Variants in ANKS1A observed in about 807,000 individuals in gnomAD.
ANKS1A encodes ankyrin repeat and sterile alpha motif domain containing 1A.
Under a neutral mutation model 120.3 loss-of-function variants are expected in ANKS1A, and 55 were observed. The observed-to-expected ratio is 0.46, with a 90% CI of 0.37 to 0.57. The LOEUF (loss-of-function observed/expected upper bound fraction) is 0.57, where lower values mean the gene tolerates loss of function less well. Among genes scored for constraint, ANKS1A ranks in the 20% least tolerant of loss-of-function variants. ANKS1A has a pLI of 0.00. For missense variants in ANKS1A, 1,123 were observed against 1,480.3 expected (o/e 0.76, Z 3.96); for synonymous variants, 590 against 604.7 (o/e 0.98, Z 0.36).
chr6:35,014,114 C>T (rs1471387933), intron 10 of ANKS1A, among the ~76,000 whole-genome samples: 4 of 152,106 alleles, frequency 2.6e-5, no homozygotes, highest in African/African-American at 4.8e-5. Context: ...CCTAAGAGAC[C>T]TTATATTATC....
intron 6 of ANKS1A, 22 bp from the exon 7 acceptor site, chr6:34,983,302 A>G: frequency 1.9e-6 from 3 of 1,612,984 alleles, no homozygotes; most frequent in South Asian, 2.2e-5. Context: ...TTTTATTTTT[A>G]TTTTTTGATC....
At chr6:35,015,113 G>C (rs1360832567) in intron 10 of ANKS1A, among the ~76,000 whole-genome samples, 1 of 152,156 alleles carries the variant, frequency 6.6e-6, no homozygotes, top group East Asian at 1.9e-4. Context: ...AGTTTTTCAG[G>C]GTTTGTTCAT....
chr6:35,012,697 G>T (rs533113419), intron 10 of ANKS1A, among the ~76,000 whole-genome samples: 2 of 152,226 alleles, frequency 1.3e-5, no homozygotes, highest in Non-Finnish European at 2.9e-5. Flanking sequence ...TTAAAATGCA[G>T]CACAGAAGAC....
At chr6:34,999,836 A>C (rs1773063301) in intron 10 of ANKS1A, among the ~76,000 whole-genome samples, 1 of 152,102 alleles carries the variant, frequency 6.6e-6, no homozygotes, top group Non-Finnish European at 1.5e-5. Context: ...AGCAGAGAGA[A>C]AGAGAGGAAA....
At chr6:34,983,092 C>G (rs1771984696) in intron 5 of ANKS1A, 21 bp from the exon 6 acceptor site, 3 of 1,607,622 alleles carry the variant, frequency 1.9e-6, no homozygotes, top group Admixed American at 1.7e-5. Flanking sequence ...CTCCCCTGGT[C>G]CACCTGGTGT....
At chr6:35,097,643 A>G in the ANKS1A span, among the ~76,000 whole-genome samples, 1 of 146,130 alleles carries the variant, frequency 6.8e-6, no homozygotes, top group African/African-American at 2.6e-5. Context: ...AAAAGAAAAA[A>G]AAAAAAAAAA....
chr6:35,081,924 G>C (rs1038662222), intron 17 of ANKS1A, among the ~76,000 whole-genome samples: 16 of 152,168 alleles, frequency 1.1e-4, no homozygotes, highest in Non-Finnish European at 1.9e-4. Context: ...GTGAACTTCA[G>C]CTTCACCCCT....
chr6:35,012,552 G>A (rs1222836138), intron 10 of ANKS1A, among the ~76,000 whole-genome samples: 1 of 152,202 alleles, frequency 6.6e-6, no homozygotes, highest in Non-Finnish European at 1.5e-5. Context: ...CCTGAGGGGA[G>A]ATTTGAATTA....
intron 14 of ANKS1A, 140 bp from the exon 15 acceptor site, chr6:35,079,376 G>C: frequency 2.1e-6 from 2 of 972,740 alleles, no homozygotes; most frequent in Non-Finnish European, 3.0e-6. Flanking sequence ...GTGCGAAGTG[G>C]GGGGCTGGAA....
At chr6:34,996,386 G>C (rs772848259) in intron 10 of ANKS1A, among the ~76,000 whole-genome samples, 3 of 151,736 alleles carry the variant, frequency 2.0e-5, no homozygotes, top group Non-Finnish European at 4.4e-5. Flanking sequence ...TCTTTTTGTT[G>C]CCTTAACAGT....
rs147557609 is a variant in ANKS1A at position 35,021,821 on chromosome 6, A to G, written c.2010+3762A>G. Among the ~76,000 whole-genome samples the G allele has an allele frequency of 5.7e-4, 87 of 152,190 alleles. No individual in the cohort carries two copies. The East Asian group carries it at 0.013, about 23-fold the overall frequency. On this transcript the variant is annotated intron_variant, in intron 11 of 23. Coordinates refer to ENST00000360359, the MANE Select transcript of ANKS1A (RefSeq NM_015245.3). ...GCCAACATGGTGAAACCCCCTCTCT[A>G]CTAAAAATACAAAAACTAGCCGGGT...
intron 9 of ANKS1A, among the ~76,000 whole-genome samples, chr6:34,991,087 C>A (rs1481079953): frequency 6.6e-6 from 1 of 152,162 alleles, no homozygotes; most frequent in Admixed American, 6.5e-5. Context: ...TCAGGAGACA[C>A]TGACTTCATC....
intron 1 of ANKS1A, among the ~76,000 whole-genome samples, chr6:34,957,931 T>G (rs1465616011): frequency 2.6e-5 from 4 of 152,230 alleles, no homozygotes; most frequent in Admixed American, 6.5e-5. Flanking sequence ...AATACCGGTA[T>G]CTGTTTTCCT....
rs965271163 is a variant in ANKS1A, at chr6:35,084,694, A to G, written c.3132+436A>G. On this transcript the variant is annotated intron_variant, in intron 21 of 23. Coordinates refer to ENST00000360359, the MANE Select transcript of ANKS1A (RefSeq NM_015245.3). The surrounding 1 kb of genome is among the most constrained non-coding windows in gnomAD (Gnocchi z 4.8). ...TTTGTTTCCCCCGGCTCCCTGCCCT[A>G]GGTCTCCAACCTCTGGCTGGGCCGC... 1.3e-5 allele frequency among the ~76,000 whole-genome samples: 2 copies of G among 152,124 alleles called. No individual in the cohort carries two copies. The highest frequency in any genetic ancestry group is 6.5e-5 in the Admixed American group (1 of 15,282).
chr6:35,003,129 A>G (rs758879367), intron 10 of ANKS1A, among the ~76,000 whole-genome samples: 3 of 152,038 alleles, frequency 2.0e-5, no homozygotes, highest in Non-Finnish European at 2.9e-5. Flanking sequence ...TGCTTCCCGC[A>G]AAAAGAAAAG....
intron 13 of ANKS1A, among the ~76,000 whole-genome samples, chr6:35,069,083 A>C (rs1776939590): frequency 6.6e-6 from 1 of 152,156 alleles, no homozygotes; most frequent in South Asian, 2.1e-4. Flanking sequence ...TGGGCTCTCC[A>C]GGACAGAGTG....
At chr6:35,020,518 G>T (rs1774280813) in intron 11 of ANKS1A, among the ~76,000 whole-genome samples, 1 of 152,172 alleles carries the variant, frequency 6.6e-6, no homozygotes, top group Non-Finnish European at 1.5e-5. Context: ...AAACGGGCTG[G>T]AAGACAGCTT....
chr6:35,063,140 AG>A (rs1776602799), intron 13 of ANKS1A, among the ~76,000 whole-genome samples: 2 of 152,176 alleles, frequency 1.3e-5, no homozygotes, highest in Admixed American at 1.3e-4. Flanking sequence ...GGGGGCTGCC[AG>A]GTGCTCCCTA....
intron 9 of ANKS1A, among the ~76,000 whole-genome samples, chr6:34,990,081 C>T (rs1772425357): frequency 6.6e-6 from 1 of 152,142 alleles, no homozygotes; most frequent in South Asian, 2.1e-4. Context: ...TAAAAATCAG[C>T]TAATATAAAA....
Sources: allele counts gnomAD v4.1 joint callset (sites outside exome capture counted in the v4.1 genomes callset), GRCh38; gene constraint gnomAD v4.1.1; non-coding constraint Gnocchi (gnomAD v3.1); transcripts MANE v1.5; gene names NCBI Gene and HGNC (gene_info 2026-07-23, HGNC 2026-07-21).